The following KALRN variants were observed in gnomAD, a reference collection of about 807,000 sequenced individuals.
KALRN encodes the protein kalirin.
KALRN carries 70 observed loss-of-function variants against 353.7 expected under a neutral mutation model. That is an observed-to-expected ratio of 0.20 (90% CI 0.16 to 0.24). KALRN has a LOEUF of 0.24. KALRN is among the 10% of genes least tolerant of loss of function. The pLI is 1.00. For synonymous variants in KALRN, 1,391 were observed against 1,434.8 expected (o/e 0.97, Z 0.69); for missense variants, 2,791 against 3,756.7 (o/e 0.74, Z 6.72).
At chr3:124,210,867 T>G (rs2076841688) in intron 1 of KALRN, among the ~76,000 whole-genome samples, 1 of 152,212 alleles carries the variant, frequency 6.6e-6, no homozygotes, top group Admixed American at 6.5e-5. Context: ...CTGCTTCCAT[T>G]TGCACAAACG....
chr3:124,565,174 G>A (rs143727980), intron 34 of KALRN, among the ~76,000 whole-genome samples: 2,348 of 152,320 alleles, frequency 0.015, 23 homozygotes, highest in South Asian at 0.039. Context: ...CAGCCTTCCA[G>A]GGTTTTTTCC....
intron 34 of KALRN, among the ~76,000 whole-genome samples, chr3:124,613,485 A>G (rs2078232547): frequency 6.6e-6 from 1 of 152,210 alleles, no homozygotes; most frequent in Non-Finnish European, 1.5e-5. Flanking sequence ...AGTTTGTTTT[A>G]TCTGCCCAAA....
intron 1 of KALRN, among the ~76,000 whole-genome samples, chr3:124,044,237 G>C (rs996886971): frequency 6.6e-6 from 1 of 152,148 alleles, no homozygotes; most frequent in Non-Finnish European, 1.5e-5. Flanking sequence ...GGTCTCACAC[G>C]ACCCTCCAGA....
At chr3:124,307,557 A>T (rs530526923) in intron 6 of KALRN, among the ~76,000 whole-genome samples, 3 of 119,080 alleles carry the variant, frequency 2.5e-5, no homozygotes, top group South Asian at 7.2e-4. Flanking sequence ...GTTAATGTAC[A>T]GTAGAAGCTG....
intron 22 of KALRN, 30 bp from the exon 23 acceptor site, chr3:124,456,580 A>G (rs1265149503): frequency 6.5e-7 from 1 of 1,530,310 alleles, no homozygotes; most frequent in Admixed American, 1.7e-5. Flanking sequence ...AAGCATCACA[A>G]GGTGACCTTT....
intron 6 of KALRN, among the ~76,000 whole-genome samples, chr3:124,307,276 G>C (rs996528222): frequency 1.5e-4 from 23 of 152,038 alleles, no homozygotes; most frequent in African/African-American, 5.3e-4. Context: ...AAGGAAATTA[G>C]TCCAGATGAT....
chr3:124,521,549 T>C lies in KALRN; in HGVS notation c.4935+25136T>C, dbSNP rs1038579899. On this transcript the variant is annotated intron_variant, in intron 33 of 59. Coordinates refer to ENST00000682506, the MANE Select transcript of KALRN (RefSeq NM_001388419.1). ...ATATGTCACACTCTGGTCTGCTGCA[T>C]ATCCATAATAGACTGCCCCCAAGCC... 5.9e-5 allele frequency among the ~76,000 whole-genome samples: 9 copies of C among 152,338 alleles called. No individual in the cohort carries two copies. In the East Asian group the frequency reaches 1.5e-3, roughly 26 times the overall value.
chr3:124,684,844 G>A (rs898126746), intron 51 of KALRN, among the ~76,000 whole-genome samples: 12 of 152,118 alleles, frequency 7.9e-5, no homozygotes, highest in African/African-American at 1.7e-4. Context: ...AAGTTTGAGC[G>A]GCCAGAGCTG....
At chr3:124,419,048 G>A (rs573007067) in intron 14 of KALRN, among the ~76,000 whole-genome samples, 3 of 151,776 alleles carry the variant, frequency 2.0e-5, no homozygotes, top group African/African-American at 7.3e-5. Context: ...CTCCAGCCTG[G>A]GCGACACAGC....
intron 1 of KALRN, among the ~76,000 whole-genome samples, chr3:124,227,675 T>G (rs899344955): frequency 0.013 from 299 of 22,814 alleles, 17 homozygotes; most frequent in East Asian, 0.069. Flanking sequence ...TTTTTTTTTT[T>G]TTTTTTTTTT....
intron 33 of KALRN, among the ~76,000 whole-genome samples, chr3:124,562,046 G>C (rs2072103971): frequency 6.6e-6 from 1 of 152,208 alleles, no homozygotes; most frequent in Non-Finnish European, 1.5e-5. Context: ...GAATTAGGAA[G>C]ATGCCAGTGT....
intron 1 of KALRN, among the ~76,000 whole-genome samples, chr3:124,143,359 G>A (rs1016919444): frequency 6.6e-6 from 1 of 152,182 alleles, no homozygotes; most frequent in African/African-American, 2.4e-5. Flanking sequence ...GAGCCCAATG[G>A]GAAGTACCAG....
rs1560463729 is a variant in KALRN at position 124,286,140 on chromosome 3, C to CTTTCTTTCTTTCTTTCT, written c.970-12639_970-12638insTTTCTTTTCTTTCTTTC. On this transcript the variant is annotated intron_variant, in intron 5 of 59. Coordinates refer to ENST00000682506, the MANE Select transcript of KALRN (RefSeq NM_001388419.1). ...CTTTCTTTCTTTCTTTCTTTCTTTC[C>CTTTCTTTCTTTCTTTCT]TTTCTTTCTTTCCTTTCTTTCGTCT... 1.9e-4 allele frequency among the ~76,000 whole-genome samples: 5 copies of CTTTCTTTCTTTCTTTCT among 26,854 alleles called. No individual in the cohort carries two copies. The East Asian group carries it at 4.4e-3, about 24-fold the overall frequency. 17.6% of individuals were successfully genotyped at this position (26,854 alleles called of 152,430 possible).
At chr3:124,488,436 A>T (rs1460119205) in intron 29 of KALRN, 121 bp downstream of exon 29, 3 of 698,810 alleles carry the variant, frequency 4.3e-6, no homozygotes, top group Non-Finnish European at 7.7e-6. Context: ...AGAAGAAATG[A>T]CAAGTAGTTA....
chr3:124,089,352 A>G (rs2060984076), intron 1 of KALRN, among the ~76,000 whole-genome samples: 1 of 152,162 alleles, frequency 6.6e-6, no homozygotes, highest in African/African-American at 2.4e-5. Flanking sequence ...GTGAGGCTTC[A>G]GCTGTGGTAA....
At chr3:124,340,851 G>A (rs1360098200) in intron 9 of KALRN, among the ~76,000 whole-genome samples, 1 of 152,156 alleles carries the variant, frequency 6.6e-6, no homozygotes, top group African/African-American at 2.4e-5. Context: ...AGCTACTCAG[G>A]AGGCTGAGGC....
At chr3:124,694,013 T>A (rs2061943988) in intron 52 of KALRN, among the ~76,000 whole-genome samples, 182 bp downstream of exon 52, 1 of 152,208 alleles carries the variant, frequency 6.6e-6, no homozygotes. Flanking sequence ...TATAATGGGA[T>A]CCAAGTTTTA....
intron 51 of KALRN, among the ~76,000 whole-genome samples, chr3:124,688,192 G>C (rs777486620): frequency 4.5e-4 from 68 of 151,942 alleles, no homozygotes; most frequent in Non-Finnish European, 1.0e-4. Flanking sequence ...TTCACCTGTA[G>C]TCGCAGCTCC....
rs527422664 is a variant in KALRN at position 124,236,930 on chromosome 3, G to C, written c.263+1987G>C. 8.6e-4 allele frequency among the ~76,000 whole-genome samples: 131 copies of C among 152,336 alleles called. 1 individual carries two copies. The highest frequency in any genetic ancestry group is 3.1e-3 in the African/African-American group (129 of 41,570). Reference sequence around the variant, plus strand: ...GCAGGCGAGAGCCCTATTGCCAGTGGGAAGAACTGTTCTGTGATGCCTGCT... The same window carrying C: ...GCAGGCGAGAGCCCTATTGCCAGTGCGAAGAACTGTTCTGTGATGCCTGCT... On this transcript the variant is annotated intron_variant, in intron 3 of 59. Coordinates refer to ENST00000682506, the MANE Select transcript of KALRN (RefSeq NM_001388419.1).
Sources: gnomAD v4.1 joint callset for allele counts (sites outside exome capture counted in the v4.1 genomes callset) on GRCh38, gnomAD v4.1.1 for gene constraint, MANE v1.5 for transcripts, NCBI Gene and HGNC (gene_info 2026-07-23, HGNC 2026-07-21) for gene names.